Variants in BHLHE22 observed in about 807,000 individuals in gnomAD.
BHLHE22 encodes class E basic helix-loop-helix protein 22.
Under a neutral mutation model 17.6 loss-of-function variants are expected in BHLHE22, and 8 were observed. The observed-to-expected ratio is 0.45, with a 90% CI of 0.27 to 0.82. The LOEUF (loss-of-function observed/expected upper bound fraction) is 0.82. Among genes scored for constraint, BHLHE22 ranks in the 40% least tolerant of loss-of-function variants. The pLI is 0.16. For missense variants in BHLHE22, 570 were observed against 581.5 expected (o/e 0.98, Z 0.20); for synonymous variants, 353 against 282.7 (o/e 1.25, Z -2.49).
Position 64,580,775 on chromosome 8 carries a change from G to A in BHLHE22, c.-16G>A, listed in dbSNP as rs1804876924. 1.7e-6 allele frequency: 2 copies of A among 1,204,108 alleles called. No homozygotes were observed. The highest frequency in any genetic ancestry group is 3.3e-4 in the Middle Eastern group (1 of 3,070). The allele number at this position is 1,204,108 out of a possible 1,614,324, so 74.6% of individuals were successfully genotyped here. A position where few individuals can be genotyped will look rare whatever the true frequency, so the allele number is the denominator to read the frequency against. On this transcript the variant is annotated 5_prime_UTR_variant, in exon 1 of 1. Coordinates refer to ENST00000321870, the MANE Select transcript of BHLHE22 (RefSeq NM_152414.5). ...CAGCGGGCGCGGCGGCCCGGGCTGC[G>A]CGCCGGCGCGGGACCATGGAGCGCG...
In BHLHE22 at chr8:64,580,914, A is replaced by G; in HGVS notation, c.124A>G (p.Met42Val). Residue 42 changes from methionine to valine, a missense_variant, in exon 1 of 1, where the codon ATG becomes GTG. By Grantham distance (21) the Met-to-Val change is conservative (BLOSUM62 1). Around this residue, in one of 3 missense-constraint regions of BHLHE22, gnomAD observed 427 missense variants for 376.2 expected, o/e 1.14. Transcript: ENST00000321870. Reference sequence around the variant, plus strand: ...GGCTTTCCGCTCCACGCCCCCGGGCATGGACCTGTCCCTGGCGCCGCCGCC... The same window carrying G: ...GGCTTTCCGCTCCACGCCCCCGGGCGTGGACCTGTCCCTGGCGCCGCCGCC... ...EAAFRSTPPG[M>V]DLSLAPPPRE... 1.2e-5 allele frequency: 18 copies of G among 1,521,008 alleles called. No individual in the cohort carries two copies. Among genetic ancestry groups the G allele is most frequent in the Non-Finnish European group, 1.5e-5 (17 of 1,144,784 alleles). 94.2% of individuals were successfully genotyped at this position (1,521,008 alleles called of 1,614,324 possible).
Position 64,583,131 on chromosome 8 carries a change from T to A in BHLHE22, c.*1195T>A, listed in dbSNP as rs1384805966. ...ATGCTAAGCAAATATTTTTCCAGGC[T>A]GTGCTGTGCATTTTTAAAAGGTCTA... On this transcript the variant is annotated 3_prime_UTR_variant, in exon 1 of 1. Coordinates refer to ENST00000321870, the MANE Select transcript of BHLHE22 (RefSeq NM_152414.5). 1 of 167,144 alleles carries A rather than the reference T, an allele frequency of 6.0e-6. No individual in the cohort carries two copies. Among genetic ancestry groups the A allele is most frequent in the Non-Finnish European group, 1.5e-5 (1 of 68,130 alleles). The allele number at this position is 167,144 out of a possible 1,614,324, so 10.4% of individuals were successfully genotyped here.
chr8:64,580,859 G>A lies in BHLHE22; in HGVS notation c.69G>A (p.Leu23=), dbSNP rs745793988. Residue 23 remains leucine, a synonymous_variant, in exon 1 of 1, where the codon CTG becomes CTA. Transcript: ENST00000321870. ...ACGACCTCTTCCTGCACAAGAGCCT[G>A]AGCGCCTCCACCTCCAAGCGCTTGG... ...GEDDLFLHKS[L]SASTSKRLEA... 1.9e-5 allele frequency: 29 copies of A among 1,510,868 alleles called. No homozygotes were observed. In the Middle Eastern group the frequency reaches 1.4e-3, roughly 75 times the overall value. The allele number at this position is 1,510,868 out of a possible 1,614,324, so 93.6% of individuals were successfully genotyped here.
rs1804868150 is a variant in BHLHE22, at chr8:64,580,365, G to A, written c.-426G>A. 1 of 152,924 alleles carries A rather than the reference G, an allele frequency of 6.5e-6. No individual in the cohort carries two copies. The highest frequency in any genetic ancestry group is 2.4e-5 in the African/African-American group (1 of 41,582). The allele number at this position is 152,924 out of a possible 1,614,324, so 9.5% of individuals were successfully genotyped here. ...TAATAACCTACTCAGAGATAATGAT[G>A]TAAAAGACTCCCCCGTCTGTGGCGG... On this transcript the variant is annotated 5_prime_UTR_variant, in exon 1 of 1. Coordinates refer to ENST00000321870, the MANE Select transcript of BHLHE22 (RefSeq NM_152414.5).
chr8:64,580,701 C>A lies in BHLHE22; in HGVS notation c.-90C>A. 1.2e-6 allele frequency: 1 copy of A among 819,346 alleles called. No individual in the cohort carries two copies. The highest frequency in any genetic ancestry group is 1.5e-6 in the Non-Finnish European group (1 of 676,470). The allele number at this position is 819,346 out of a possible 1,614,324, so 50.8% of individuals were successfully genotyped here. On this transcript the variant is annotated 5_prime_UTR_variant, in exon 1 of 1. Transcript: ENST00000321870. ...CGCACCAGCTCCGGAGCCCAGCTCG[C>A]GCGCGTCTGTGGGGCCGCCTGACTC...
In BHLHE22 at chr8:64,581,463, GGCAGCA is replaced by G. The variant is rs34265378; in HGVS notation, c.698_703del (p.Ser233_Ser234del). 1,768 of 1,450,696 alleles carry G rather than the reference GGCAGCA, an allele frequency of 1.2e-3. 7 individuals carry two copies. Among genetic ancestry groups the G allele is most frequent in the African/African-American group, 0.011 (723 of 68,780 alleles). The allele number at this position is 1,450,696 out of a possible 1,614,324, so 89.9% of individuals were successfully genotyped here. A position where few individuals can be genotyped will look rare whatever the true frequency, so the allele number is the denominator to read the frequency against. ...TGGCGGTAGCGGTAGCGGCAGCGGC[GGCAGCA>G]GCAGCAGCAGCAGCAGCAGCAGCAA... On this transcript the variant is annotated inframe_deletion, in exon 1 of 1. Transcript: ENST00000321870. This position sits in a 1 kb window ranked among gnomAD's most constrained non-coding sequence, Gnocchi z 6.4.
In BHLHE22 at chr8:64,581,284, C is replaced by G. The variant is rs1316200184; in HGVS notation, c.494C>G (p.Ala165Gly). 1.4e-6 allele frequency: 2 copies of G among 1,435,498 alleles called. No individual in the cohort carries two copies. The highest frequency in any genetic ancestry group is 1.8e-6 in the Non-Finnish European group (2 of 1,106,916). The allele number at this position is 1,435,498 out of a possible 1,614,324, so 88.9% of individuals were successfully genotyped here. A position where few individuals can be genotyped will look rare whatever the true frequency, so the allele number is the denominator to read the frequency against. Residue 165 changes from alanine to glycine, a missense_variant, in exon 1 of 1, where the codon GCC (alanine) becomes GGC (glycine). By Grantham distance (60) the Ala-to-Gly change is moderately conservative (BLOSUM62 0). Transcript: ENST00000321870. This position sits in a 1 kb window ranked among gnomAD's most constrained non-coding sequence, Gnocchi z 6.4. ...RCELVLRAGV[A>G]DPRASPGAGG... Reference sequence around the variant, plus strand: ...GAGCTCGTGCTGCGGGCCGGAGTAGCCGACCCGCGGGCCTCCCCGGGAGCG... The same window carrying G: ...GAGCTCGTGCTGCGGGCCGGAGTAGGCGACCCGCGGGCCTCCCCGGGAGCG...
rs1274515933 is a variant in BHLHE22 at position 64,581,079 on chromosome 8, G to A, written c.289G>A (p.Gly97Arg). 3.8e-6 allele frequency: 5 copies of A among 1,325,376 alleles called. No homozygotes were observed. Among genetic ancestry groups the A allele is most frequent in the Middle Eastern group, 2.7e-4 (1 of 3,758 alleles). 82.1% of individuals were successfully genotyped at this position (1,325,376 alleles called of 1,614,324 possible). ...SAGSGGGGGG[G>R]VGVPGLLVGS... Reference sequence around the variant, plus strand: ...GGGAAGTGGCGGCGGCGGCGGCGGCGGGGTGGGTGTCCCCGGGCTGCTAGT... The same window carrying A: ...GGGAAGTGGCGGCGGCGGCGGCGGCAGGGTGGGTGTCCCCGGGCTGCTAGT... Residue 97 changes from glycine to arginine, a missense_variant, in exon 1 of 1, where the codon GGG becomes AGG. Coordinates refer to ENST00000321870, the MANE Select transcript of BHLHE22 (RefSeq NM_152414.5). The surrounding 1 kb of genome is among the most constrained non-coding windows in gnomAD (Gnocchi z 6.4).
Position 64,580,939 on chromosome 8 carries a change from C to G in BHLHE22, c.149C>G (p.Pro50Arg), listed in dbSNP as rs369575054. 3.4e-6 allele frequency: 5 copies of G among 1,474,084 alleles called. No individual in the cohort carries two copies. Among genetic ancestry groups the G allele is most frequent in the Non-Finnish European group, 4.5e-6 (5 of 1,120,010 alleles). The allele number at this position is 1,474,084 out of a possible 1,614,324, so 91.3% of individuals were successfully genotyped here. The change falls in exon 1 of 1, where the codon CCT becomes CGT. Residue 50 changes from proline to arginine, a missense_variant. Pro to Arg is a moderately radical substitution (Grantham distance 103). Around this residue, in one of 3 missense-constraint regions of BHLHE22, gnomAD observed 427 missense variants for 376.2 expected, o/e 1.14. Coordinates refer to ENST00000321870, the MANE Select transcript of BHLHE22 (RefSeq NM_152414.5). ...ATGGACCTGTCCCTGGCGCCGCCGCCTCGGGAACGCCCGGCGTCCTCCTCC... is the reference window on the plus strand; with the variant it reads ...ATGGACCTGTCCCTGGCGCCGCCGCGTCGGGAACGCCCGGCGTCCTCCTCC... The part of the protein sequence containing the change: ...PGMDLSLAPP[P>R]RERPASSSSS...
chr8:64,580,846 T>C lies in BHLHE22; in HGVS notation c.56T>C (p.Leu19Pro), dbSNP rs757333827. ...GCCGCCGGCGAGGACGACCTCTTCC[T>C]GCACAAGAGCCTGAGCGCCTCCACC... ...AAAAGEDDLFLHKSLSASTSK... is the reference protein window; with the variant it reads ...AAAAGEDDLFPHKSLSASTSK... The change falls in exon 1 of 1, where the codon CTG becomes CCG. Residue 19 changes from leucine to proline, a missense_variant. Physicochemically the swap from Leu to Pro is moderately conservative, Grantham distance 98. This residue lies in a region of BHLHE22 where 427 missense variants were observed against 376.2 expected (regional missense o/e 1.14). Transcript: ENST00000321870. 183 of 1,495,232 alleles carry C rather than the reference T, an allele frequency of 1.2e-4. No homozygotes were observed. The highest frequency in any genetic ancestry group is 1.5e-4 in the Non-Finnish European group (168 of 1,130,676). The allele number at this position is 1,495,232 out of a possible 1,614,324, so 92.6% of individuals were successfully genotyped here. A position where few individuals can be genotyped will look rare whatever the true frequency, so the allele number is the denominator to read the frequency against.
At position 64,582,285 on chromosome 8, in the gene BHLHE22, A is replaced by T. The variant is rs892792307; in HGVS notation, c.*349A>T. ...ATAAGTTGAGAAGTAGTGCTTGGTTATTAAGCCTGGAGAGTGTTTGAATGG... is the reference window on the plus strand; with the variant it reads ...ATAAGTTGAGAAGTAGTGCTTGGTTTTTAAGCCTGGAGAGTGTTTGAATGG... On this transcript the variant is annotated 3_prime_UTR_variant, in exon 1 of 1. Transcript: ENST00000321870. The T allele has an allele frequency of 8.4e-6, 3 of 356,868 alleles. No homozygotes were observed. Among genetic ancestry groups the T allele is most frequent in the Admixed American group, 4.9e-5 (1 of 20,374 alleles). 22.1% of individuals were successfully genotyped at this position (356,868 alleles called of 1,614,324 possible).
In BHLHE22 at chr8:64,581,483, C is replaced by T; in HGVS notation, c.693C>T (p.Ser231=). The part of the protein sequence containing the change: ...SGSGGSSSSS[S]SSSKKSKEQK... The stretch of plus-strand genomic sequence containing the variant: ...GCGGCGGCAGCAGCAGCAGCAGCAG[C>T]AGCAGCAGCAAGAAATCCAAAGAGC... Residue 231 remains serine (S), a synonymous_variant, in exon 1 of 1, where the codon AGC becomes AGT. Coordinates refer to ENST00000321870, the MANE Select transcript of BHLHE22 (RefSeq NM_152414.5). The surrounding 1 kb of genome is among the most constrained non-coding windows in gnomAD (Gnocchi z 6.4). The T allele has an allele frequency of 1.9e-6, 3 of 1,562,962 alleles. No individual in the cohort carries two copies. The highest frequency in any genetic ancestry group is 2.6e-6 in the Non-Finnish European group (3 of 1,159,890).
In BHLHE22 at chr8:64,580,624, A is replaced by T; in HGVS notation, c.-167A>T. On this transcript the variant is annotated 5_prime_UTR_variant, in exon 1 of 1. Transcript: ENST00000321870. ...GGCGGCGAGCGCGGGGGAAGGCGAA[A>T]AAGAAAAAGAAAGAAGGGGAGAGGG... 5.1e-6 allele frequency: 1 copy of T among 197,460 alleles called. No homozygotes were observed. The highest frequency in any genetic ancestry group is 9.2e-6 in the Non-Finnish European group (1 of 108,226). The allele number at this position is 197,460 out of a possible 1,614,324, so 12.2% of individuals were successfully genotyped here. A position where few individuals can be genotyped will look rare whatever the true frequency, so the allele number is the denominator to read the frequency against.
Position 64,581,216 on chromosome 8 carries a change from C to A in BHLHE22, c.426C>A (p.Ser142Arg). 3 of 1,453,522 alleles carry A rather than the reference C, an allele frequency of 2.1e-6. No homozygotes were observed. The highest frequency in any genetic ancestry group is 2.7e-6 in the Non-Finnish European group (3 of 1,115,044). 90.0% of individuals were successfully genotyped at this position (1,453,522 alleles called of 1,614,324 possible). ...SASRGSVAESSGGEQSPDDDS... is the reference protein window; with the variant it reads ...SASRGSVAESRGGEQSPDDDS... Reference sequence around the variant, plus strand: ...GCCGGGGCTCGGTGGCCGAGAGCAGCGGCGGCGAGCAGAGCCCCGACGACG... The same window carrying A: ...GCCGGGGCTCGGTGGCCGAGAGCAGAGGCGGCGAGCAGAGCCCCGACGACG... Residue 142 changes from serine (S) to arginine (R), a missense_variant, in exon 1 of 1, where the codon AGC becomes AGA. Physicochemically the swap from Ser to Arg is moderately radical, Grantham distance 110. Coordinates refer to ENST00000321870, the MANE Select transcript of BHLHE22 (RefSeq NM_152414.5). This position sits in a 1 kb window ranked among gnomAD's most constrained non-coding sequence, Gnocchi z 6.4.
In BHLHE22 at chr8:64,581,463, G is replaced by GGCGGCGGCA. The variant is rs1554581650; in HGVS notation, c.675_676insGGCGGCAGC (p.Gly225_Ser226insGlyGlySer). The GGCGGCGGCA allele has an allele frequency of 2.7e-5, 39 of 1,450,650 alleles. No individual in the cohort carries two copies. In the African/African-American group the frequency reaches 5.2e-4, roughly 19 times the overall value. 89.9% of individuals were successfully genotyped at this position (1,450,650 alleles called of 1,614,324 possible). A position where few individuals can be genotyped will look rare whatever the true frequency, so the allele number is the denominator to read the frequency against. On this transcript the variant is annotated inframe_insertion, in exon 1 of 1. Coordinates refer to ENST00000321870, the MANE Select transcript of BHLHE22 (RefSeq NM_152414.5). This position sits in a 1 kb window ranked among gnomAD's most constrained non-coding sequence, Gnocchi z 6.4. ...TGGCGGTAGCGGTAGCGGCAGCGGCGGCAGCAGCAGCAGCAGCAGCAGCAG... is the reference window on the plus strand; with the variant it reads ...TGGCGGTAGCGGTAGCGGCAGCGGCGGCGGCGGCAGCAGCAGCAGCAGCAGCAGCAGCAG...
At position 64,581,034 on chromosome 8, in the gene BHLHE22, G is replaced by A; in HGVS notation, c.244G>A (p.Gly82Arg). ...AGGGCTGCTGTTGCCGCCGCCTGGAGGAGGCGGCGGCGGCAGCGCGGGAAG... is the reference window on the plus strand; with the variant it reads ...AGGGCTGCTGTTGCCGCCGCCTGGAAGAGGCGGCGGCGGCAGCGCGGGAAG... ...GAGLLLPPPG[G>R]GGGGSAGSGG... The change falls in exon 1 of 1, where the codon GGA becomes AGA. Residue 82 changes from glycine to arginine, a missense_variant. Physicochemically the swap from Gly to Arg is moderately radical, Grantham distance 125 (BLOSUM62 -2). Coordinates refer to ENST00000321870, the MANE Select transcript of BHLHE22 (RefSeq NM_152414.5). This position sits in a 1 kb window ranked among gnomAD's most constrained non-coding sequence, Gnocchi z 6.4. 7.5e-6 allele frequency: 10 copies of A among 1,324,806 alleles called. No individual in the cohort carries two copies. Among genetic ancestry groups the A allele is most frequent in the Non-Finnish European group, 9.6e-6 (10 of 1,046,364 alleles). 82.1% of individuals were successfully genotyped at this position (1,324,806 alleles called of 1,614,324 possible). A position where few individuals can be genotyped will look rare whatever the true frequency, so the allele number is the denominator to read the frequency against.
In BHLHE22 at chr8:64,581,669, C is replaced by A. The variant is rs768064913; in HGVS notation, c.879C>A (p.Ile293=). Residue 293 remains isoleucine, a synonymous_variant, in exon 1 of 1, where the codon ATC becomes ATA. Transcript: ENST00000321870. This position sits in a 1 kb window ranked among gnomAD's most constrained non-coding sequence, Gnocchi z 6.4. ...IATLLLAKNY[I]LMQAQALEEM... is the part of the protein sequence containing the mutation. ...CGCTGCTGCTCGCCAAGAACTACAT[C>A]CTCATGCAGGCGCAGGCCCTGGAGG... 1.9e-6 allele frequency: 3 copies of A among 1,612,856 alleles called. No individual in the cohort carries two copies. The South Asian group carries it at 3.3e-5, about 18-fold the overall frequency.
chr8:64,581,983 C>G lies in BHLHE22; in HGVS notation c.*47C>G. Reference sequence around the variant, plus strand: ...GACCGACCCAAAATCTAGAGGAAAGCGAAAAGCTGCTCCCCACCCCCTTTA... The same window carrying G: ...GACCGACCCAAAATCTAGAGGAAAGGGAAAAGCTGCTCCCCACCCCCTTTA... On this transcript the variant is annotated 3_prime_UTR_variant, in exon 1 of 1. Transcript: ENST00000321870. The surrounding 1 kb of genome is among the most constrained non-coding windows in gnomAD (Gnocchi z 6.4). The G allele has an allele frequency of 6.3e-7, 1 of 1,584,584 alleles. No individual in the cohort carries two copies. The highest frequency in any genetic ancestry group is 8.6e-7 in the Non-Finnish European group (1 of 1,166,334).
Position 64,581,036 on chromosome 8 carries a change from AGGC to A in BHLHE22, c.256_258del (p.Gly86del), listed in dbSNP as rs545764928. Reference sequence around the variant, plus strand: ...GGCTGCTGTTGCCGCCGCCTGGAGGAGGCGGCGGCGGCAGCGCGGGAAGTGGCG... The same window carrying A: ...GGCTGCTGTTGCCGCCGCCTGGAGGAGGCGGCGGCAGCGCGGGAAGTGGCG... On this transcript the variant is annotated inframe_deletion, in exon 1 of 1. Coordinates refer to ENST00000321870, the MANE Select transcript of BHLHE22 (RefSeq NM_152414.5). The surrounding 1 kb of genome is among the most constrained non-coding windows in gnomAD (Gnocchi z 6.4). 2.3e-6 allele frequency: 3 copies of A among 1,319,434 alleles called. No individual in the cohort carries two copies. Among genetic ancestry groups the A allele is most frequent in the South Asian group, 2.2e-5 (1 of 44,764 alleles). The allele number at this position is 1,319,434 out of a possible 1,614,324, so 81.7% of individuals were successfully genotyped here.
Sources: gnomAD v4.1 joint callset for allele counts on GRCh38, gnomAD v4.1.1 for gene constraint, gnomAD v4.1.1 regional missense constraint, Gnocchi (gnomAD v3.1) non-coding constraint, MANE v1.5 for transcripts, NCBI Gene and HGNC (gene_info 2026-07-23, HGNC 2026-07-21) for gene names.